The following ZGRF1 variants were observed in gnomAD, a reference collection of about 807,000 sequenced individuals.
The protein encoded by ZGRF1 is 5'-3' DNA helicase ZGRF1.
Under a neutral mutation model 203.5 loss-of-function variants are expected in ZGRF1, and 196 were observed. That is an observed-to-expected ratio of 0.96 (90% CI 0.86 to 1.08). The LOEUF (loss-of-function observed/expected upper bound fraction) is 1.08. Among genes scored for constraint, ZGRF1 ranks in the 50% least tolerant of loss-of-function variants. The pLI, the probability that ZGRF1 is intolerant of heterozygous loss-of-function variation, is 0.00. For synonymous variants in ZGRF1, 809 were observed against 841.3 expected (o/e 0.96, Z 0.66); for missense variants, 2,326 against 2,416.3 (o/e 0.96, Z 0.78).
At chr4:112,606,955 G>T (rs141073126) in intron 8 of ZGRF1, among the ~76,000 whole-genome samples, 1 of 152,164 alleles carries the variant, frequency 6.6e-6, no homozygotes, top group East Asian at 1.9e-4. Context: ...AAAAGTAATT[G>T]TTTAAATGTT....
intron 10 of ZGRF1, among the ~76,000 whole-genome samples, chr4:112,601,593 C>G (rs1007827773): frequency 1.9e-4 from 29 of 150,500 alleles, no homozygotes; most frequent in Non-Finnish European, 2.4e-4. Context: ...AAAAAATTAG[C>G]TGGGCATAGT....
intron 24 of ZGRF1, among the ~76,000 whole-genome samples, chr4:112,541,522 G>A (rs946020963): frequency 7.0e-6 from 1 of 143,676 alleles, no homozygotes; most frequent in Non-Finnish European, 1.5e-5. Context: ...TAACATTATG[G>A]TTTTTTGTTT....
intron 11 of ZGRF1, among the ~76,000 whole-genome samples, chr4:112,588,259 A>G (rs1278419559): frequency 6.6e-6 from 1 of 152,154 alleles, no homozygotes; most frequent in Non-Finnish European, 1.5e-5. Context: ...ACAAAAATGC[A>G]TCATTCTCAT....
chr4:112,590,796 T>C (rs925368974), intron 10 of ZGRF1, among the ~76,000 whole-genome samples: 2 of 151,732 alleles, frequency 1.3e-5, no homozygotes, highest in Non-Finnish European at 2.9e-5. Flanking sequence ...CATGGTGGCA[T>C]GTGCCTGTAA....
chr4:112,614,323 T>C (rs1371990400), intron 6 of ZGRF1, among the ~76,000 whole-genome samples: 3 of 152,202 alleles, frequency 2.0e-5, no homozygotes, highest in African/African-American at 7.2e-5. Context: ...TAAAGTTTAT[T>C]TGTAACCCCA....
intron 22 of ZGRF1, among the ~76,000 whole-genome samples, chr4:112,549,468 G>C (rs1158653502): frequency 2.0e-5 from 3 of 152,136 alleles, no homozygotes; most frequent in Admixed American, 1.3e-4. Context: ...ATACAGTCAT[G>C]TGCCACATAA....
chr4:112,574,558 T>C (rs1744796227), intron 16 of ZGRF1, among the ~76,000 whole-genome samples: 1 of 152,198 alleles, frequency 6.6e-6, no homozygotes, highest in Admixed American at 6.5e-5. Context: ...TAGGTTGGTA[T>C]AAAGGTACTA....
chr4:112,559,575 A>G (rs1057112023), intron 19 of ZGRF1, among the ~76,000 whole-genome samples: 1 of 152,226 alleles, frequency 6.6e-6, no homozygotes, highest in African/African-American at 2.4e-5. Flanking sequence ...TGGTAGATCA[A>G]TTAGAAAGTT....
intron 6 of ZGRF1, among the ~76,000 whole-genome samples, chr4:112,616,975 A>C (rs2046898062): frequency 6.6e-6 from 1 of 152,124 alleles, no homozygotes; most frequent in African/African-American, 2.4e-5. Flanking sequence ...AAAATGAATA[A>C]GAATAGATTT....
At chr4:112,546,459 G>A (rs919039365) in intron 24 of ZGRF1, among the ~76,000 whole-genome samples, 3 of 152,132 alleles carry the variant, frequency 2.0e-5, no homozygotes, top group Non-Finnish European at 4.4e-5. Context: ...TTTAAAAAAT[G>A]GTTTTATGTT....
At chr4:112,547,450 G>T in intron 23 of ZGRF1, 42 bp from the exon 24 acceptor site, 1 of 1,567,868 alleles carries the variant, frequency 6.4e-7, no homozygotes, top group Non-Finnish European at 8.6e-7. Context: ...AATTAAAATG[G>T]GTGCATTAAC....
intron 10 of ZGRF1, among the ~76,000 whole-genome samples, chr4:112,595,459 T>C (rs1046823048): frequency 2.6e-5 from 4 of 152,138 alleles, no homozygotes; most frequent in Non-Finnish European, 5.9e-5. Flanking sequence ...GGCTCACGTC[T>C]ATAAACCCTG....
chr4:112,612,668 A>C, intron 6 of ZGRF1, 80 bp from the exon 7 acceptor site: 3 of 833,420 alleles, frequency 3.6e-6, no homozygotes, highest in Non-Finnish European at 5.8e-6. Context: ...TAAAACCAAA[A>C]CAAGGAATAT....
intron 6 of ZGRF1, among the ~76,000 whole-genome samples, chr4:112,616,865 C>T (rs983906894): frequency 2.7e-5 from 4 of 149,680 alleles, no homozygotes; most frequent in African/African-American, 7.4e-5. Context: ...AACTGTGGAA[C>T]GGAGGAAAGA....
At chr4:112,550,778 A>G (rs1396605124) in intron 22 of ZGRF1, among the ~76,000 whole-genome samples, 33 of 152,140 alleles carry the variant, frequency 2.2e-4, no homozygotes, top group Non-Finnish European at 2.9e-5. Context: ...GCTTGAACCC[A>G]GGAAGCAGAG....
At chr4:112,606,615 G>C (rs954254020) in intron 8 of ZGRF1, among the ~76,000 whole-genome samples, 1 of 148,850 alleles carries the variant, frequency 6.7e-6, no homozygotes, top group African/African-American at 2.5e-5. Context: ...CTGAGATCAC[G>C]CCATTGCACT....
Position 112,633,439 on chromosome 4 carries a change from T to C in ZGRF1, c.-66-197A>G, listed in dbSNP as rs78557496. 0.063 allele frequency among the ~76,000 whole-genome samples: 9,622 copies of C among 152,298 alleles called. 455 individuals are homozygous for C. Among genetic ancestry groups the C allele is most frequent in the East Asian group, 0.23 (1,183 of 5,178 alleles). ...TACCATGCTGTGAAACAAGCATTTT[T>C]TCATAAGTAAAGAAAAAACTAAGTA... On this transcript the variant is annotated intron_variant, in intron 1 of 27. Transcript: ENST00000505019.
chr4:112,616,030 A>G (rs1285456649), intron 6 of ZGRF1, among the ~76,000 whole-genome samples: 1 of 152,310 alleles, frequency 6.6e-6, no homozygotes, highest in East Asian at 1.9e-4. Context: ...AAGTTAATTT[A>G]TATTTTTCTC....
chr4:112,543,259 A>T (rs1307175949), intron 24 of ZGRF1, among the ~76,000 whole-genome samples: 2 of 152,190 alleles, frequency 1.3e-5, no homozygotes, highest in Non-Finnish European at 2.9e-5. Flanking sequence ...TCCCAGAAAT[A>T]ACCCCAGTCC....
Sources: gnomAD v4.1 joint callset for allele counts (sites outside exome capture counted in the v4.1 genomes callset) on GRCh38, gnomAD v4.1.1 for gene constraint, MANE v1.5 for transcripts, NCBI Gene and HGNC (gene_info 2026-07-23, HGNC 2026-07-21) for gene names.